The following SLC26A3 variants were observed in gnomAD, a reference collection of about 807,000 sequenced individuals.
SLC26A3 encodes solute carrier family 26 member 3.
A neutral mutation model predicts 85.6 loss-of-function variants in SLC26A3; 64 were observed. That is an observed-to-expected ratio of 0.75 (90% confidence interval 0.61 to 0.92). SLC26A3 has a LOEUF of 0.92. SLC26A3 is among the 40% of genes least tolerant of loss of function. SLC26A3 has a pLI of 0.00. For missense variants in SLC26A3, 922 were observed against 927.3 expected (o/e 0.99, Z 0.07); for synonymous variants, 349 against 336.0 (o/e 1.04, Z -0.42).
At chr7:107,794,618 CT>C (rs1794465212) in intron 1 of SLC26A3, 21 bp from the exon 2 acceptor site, 16 of 1,171,602 alleles carry the variant, frequency 1.4e-5, no homozygotes, top group Non-Finnish European at 1.5e-5. Flanking sequence ...ACAGAGCTTG[CT>C]TCTTAAATAA....
chr7:107,793,331 G>A (rs914935836), intron 3 of SLC26A3, among the ~76,000 whole-genome samples: 1 of 152,086 alleles, frequency 6.6e-6, no homozygotes, highest in Non-Finnish European at 1.5e-5. Flanking sequence ...CCCCCAAGTG[G>A]AAACAACTCA....
intron 15 of SLC26A3, chr7:107,776,233 A>G (rs1794112682): frequency 3.4e-6 from 2 of 583,488 alleles, no homozygotes; most frequent in Non-Finnish European, 6.1e-6. Flanking sequence ...GGATTCTTCT[A>G]TATTAGATGT....
rs1480673470 is a variant in SLC26A3 at position 107,787,497 on chromosome 7, C to A, written c.748G>T (p.Val250Leu). The change falls in exon 7 of 21, where the codon GTA (valine) becomes TTA (leucine). Residue 250 changes from valine to leucine, a missense_variant. Coordinates refer to ENST00000340010, the MANE Select transcript of SLC26A3 (RefSeq NM_000111.3). Reference protein sequence around the residue: ...PVSIFKVLYSVFSQIEKTNIA... With the variant: ...PVSIFKVLYSLFSQIEKTNIA... Reference sequence around the variant, plus strand: ...TTAGTCTTCTCTATTTGTGAGAATACAGAGTATAGTACCTACAATTATAAA... The same window carrying A: ...TTAGTCTTCTCTATTTGTGAGAATAAAGAGTATAGTACCTACAATTATAAA... 6.2e-7 allele frequency: 1 copy of A among 1,613,194 alleles called. No homozygotes were observed. Among genetic ancestry groups the A allele is most frequent in the African/African-American group, 1.3e-5 (1 of 74,904 alleles).
At chr7:107,784,378 A>G (rs1354426682) in intron 8 of SLC26A3, among the ~76,000 whole-genome samples, 1 of 152,154 alleles carries the variant, frequency 6.6e-6, no homozygotes, top group Non-Finnish European at 1.5e-5. Flanking sequence ...ACTTGGGTTC[A>G]TTTCCTGGCT....
Position 107,794,446 on chromosome 7 carries a change from C to G in SLC26A3, c.64G>C (p.Glu22Gln), listed in dbSNP as rs773069003. Residue 22 changes from glutamate (E) to glutamine (Q), a missense_variant, in exon 2 of 21, where the codon GAG becomes CAG. Glu to Gln is a conservative substitution (Grantham distance 29). Coordinates refer to ENST00000340010, the MANE Select transcript of SLC26A3 (RefSeq NM_000111.3). ...ARPVYSTNAF[E>Q]ENHKKTGRHH... Reference sequence around the variant, plus strand: ...CTTCCTGTCTTTTTATGATTTTCCTCAAAAGCATTTGTAGAATACACTGGC... The same window carrying G: ...CTTCCTGTCTTTTTATGATTTTCCTGAAAAGCATTTGTAGAATACACTGGC... 1 of 1,613,892 alleles carries G rather than the reference C, an allele frequency of 6.2e-7. No individual in the cohort carries two copies. The highest frequency in any genetic ancestry group is 8.5e-7 in the Non-Finnish European group (1 of 1,179,824).
intron 18 of SLC26A3, among the ~76,000 whole-genome samples, chr7:107,769,864 A>C (rs1157497882): frequency 6.6e-6 from 1 of 152,030 alleles, no homozygotes; most frequent in African/African-American, 2.4e-5. Flanking sequence ...TCTCCCTAAA[A>C]AGCTCCCCCT....
Position 107,783,344 on chromosome 7 carries a change from G to A in SLC26A3, c.980C>T (p.Pro327Leu), listed in dbSNP as rs2115845469. The change falls in exon 9 of 21, where the codon CCC becomes CTC. Residue 327 changes from proline (P) to leucine (L), a missense_variant. Physicochemically the swap from Pro to Leu is moderately conservative, Grantham distance 98. Transcript: ENST00000340010. ...VVGDMNPGFQPPITPDVETFQ... is the reference protein window; with the variant it reads ...VVGDMNPGFQLPITPDVETFQ... ...AGTCTCCACGTCAGGTGTAATAGGG[G>A]GCTGAAATCTAAAATTGAAATTAAG... 3 of 1,614,110 alleles carry A rather than the reference G, an allele frequency of 1.9e-6. No homozygotes were observed. The highest frequency in any genetic ancestry group is 4.5e-5 in the East Asian group (2 of 44,892).
Position 107,783,185 on chromosome 7 carries a change from A to T in SLC26A3, c.1119+20T>A, listed in dbSNP as rs377165259. The T allele has an allele frequency of 6.2e-7, 1 of 1,614,040 alleles. No individual in the cohort carries two copies. Among genetic ancestry groups the T allele is most frequent in the Admixed American group, 1.7e-5 (1 of 59,994 alleles). On this transcript the variant is annotated intron_variant, in intron 9 of 20. Coordinates refer to ENST00000340010, the MANE Select transcript of SLC26A3 (RefSeq NM_000111.3). ...TATTTAAAGTTGCCCAGTGAGACCCAGTGTAGTTTGTTTACTTACCTGATT... is the reference window on the plus strand; with the variant it reads ...TATTTAAAGTTGCCCAGTGAGACCCTGTGTAGTTTGTTTACTTACCTGATT...
chr7:107,780,613 A>C (rs1219662033), intron 11 of SLC26A3, among the ~76,000 whole-genome samples: 1 of 152,230 alleles, frequency 6.6e-6, no homozygotes, highest in Non-Finnish European at 1.5e-5. Flanking sequence ...CACAGTGTAC[A>C]AAGAAAAGCC....
chr7:107,780,545 G>A (rs1012491093), intron 11 of SLC26A3, among the ~76,000 whole-genome samples: 20 of 152,196 alleles, frequency 1.3e-4, no homozygotes, highest in African/African-American at 4.6e-4. Context: ...TGTTCCCCCT[G>A]CCAATTTATT....
At position 107,789,549 on chromosome 7, in the gene SLC26A3, T is replaced by C; in HGVS notation, c.710A>G (p.His237Arg). The change falls in exon 6 of 21, where the codon CAC becomes CGC. Residue 237 changes from histidine to arginine, a missense_variant. Physicochemically the swap from His to Arg is conservative, Grantham distance 29. Coordinates refer to ENST00000340010, the MANE Select transcript of SLC26A3 (RefSeq NM_000111.3). The part of the protein sequence containing the change: ...KFIFQLTVPS[H>R]TDPVSIFKVL... ...TTTGAAAATTGAAACTGGATCAGTG[T>C]GTGACGGGACTGTCAACTGAAAAAT... 1 of 1,614,170 alleles carries C rather than the reference T, an allele frequency of 6.2e-7. No homozygotes were observed. The highest frequency in any genetic ancestry group is 2.2e-5 in the East Asian group (1 of 44,880).
chr7:107,771,924 G>T (rs368735771), intron 18 of SLC26A3, 130 bp downstream of exon 18: 10 of 721,332 alleles, frequency 1.4e-5, no homozygotes, highest in South Asian at 1.1e-4. Context: ...TTTTTATTGG[G>T]CTGGCTGCAT....
In SLC26A3 at chr7:107,783,332, G is replaced by A; in HGVS notation, c.992C>T (p.Pro331Leu). The A allele has an allele frequency of 6.2e-7, 1 of 1,614,182 alleles. No homozygotes were observed. The highest frequency in any genetic ancestry group is 1.1e-5 in the South Asian group (1 of 91,090). ...GGTGTTTTGGAAAGTCTCCACGTCA[G>A]GTGTAATAGGGGGCTGAAATCTAAA... ...MNPGFQPPIT[P>L]DVETFQNTVG... Residue 331 changes from proline (P) to leucine (L), a missense_variant, in exon 9 of 21, where the codon CCT becomes CTT. Pro to Leu is a moderately conservative substitution (Grantham distance 98). Coordinates refer to ENST00000340010, the MANE Select transcript of SLC26A3 (RefSeq NM_000111.3).
At chr7:107,794,196 A>G (rs1476581491) in intron 2 of SLC26A3, among the ~76,000 whole-genome samples, 183 bp downstream of exon 2, 1 of 152,134 alleles carries the variant, frequency 6.6e-6, no homozygotes, top group Non-Finnish European at 1.5e-5. Flanking sequence ...ATAAGCCGAG[A>G]TGGGGTTCAT....
intron 1 of SLC26A3, among the ~76,000 whole-genome samples, chr7:107,798,019 T>C (rs1794540148): frequency 6.6e-6 from 1 of 152,154 alleles, no homozygotes. Flanking sequence ...GATTTGGGGA[T>C]TGAAATTCAT....
rs1306897023 is a variant in SLC26A3 at position 107,791,069 on chromosome 7, T to C, written c.549A>G (p.Thr183=). 3 of 1,614,046 alleles carry C rather than the reference T, an allele frequency of 1.9e-6. No individual in the cohort carries two copies. Among genetic ancestry groups the C allele is most frequent in the Admixed American group, 3.3e-5 (2 of 60,022 alleles). ...TCACCTGGATGATTCCAGAAAGCACTGTGACTGATGCCGCCGCCGCCACCC... is the reference window on the plus strand; with the variant it reads ...TCACCTGGATGATTCCAGAAAGCACCGTGACTGATGCCGCCGCCGCCACCC... ...RVRVAAAASV[T]VLSGIIQLAF... Residue 183 remains threonine, a synonymous_variant, in exon 5 of 21, where the codon ACA becomes ACG. Transcript: ENST00000340010.
rs781608379 is a variant in SLC26A3 at position 107,767,899 on chromosome 7, A to C, written c.2072T>G (p.Ile691Ser). 4 of 1,613,572 alleles carry C rather than the reference A, an allele frequency of 2.5e-6. No individual in the cohort carries two copies. The highest frequency in any genetic ancestry group is 3.3e-5 in the Admixed American group (2 of 59,940). Residue 691 changes from isoleucine (I) to serine (S), a missense_variant, in exon 19 of 21, where the codon ATT becomes AGT. Transcript: ENST00000340010. ...AAATTCATACCGGTTAAGCTTCTCA[A>C]TGAAGTCATCTGAAGAGAAAAAAAC... Reference protein sequence around the residue: ...VYIVGTDDDFIEKLNRYEFFD... With the variant: ...VYIVGTDDDFSEKLNRYEFFD...
At chr7:107,778,563 A>T (rs1794166760) in intron 12 of SLC26A3, among the ~76,000 whole-genome samples, 1 of 152,094 alleles carries the variant, frequency 6.6e-6, no homozygotes, top group African/African-American at 2.4e-5. Flanking sequence ...GGATTCAAAG[A>T]AAGTGTATTT....
chr7:107,765,858 G>T lies in SLC26A3; in HGVS notation c.2292C>A (p.Phe764Leu). 6.2e-7 allele frequency: 1 copy of T among 1,610,108 alleles called. No homozygotes were observed. The highest frequency in any genetic ancestry group is 8.5e-7 in the Non-Finnish European group (1 of 1,176,746). ...RVYEVPVETK[F>L] is the part of the protein sequence containing the mutation. ...ATCCTTCTGAATTATATGTTGATTA[G>T]AATTTTGTTTCAACTGGCACCTGGA... The change falls in exon 21 of 21, where the codon TTC becomes TTA. Residue 764 changes from phenylalanine to leucine, a missense_variant. Coordinates refer to ENST00000340010, the MANE Select transcript of SLC26A3 (RefSeq NM_000111.3).
Sources: gnomAD v4.1 joint callset for allele counts (sites outside exome capture counted in the v4.1 genomes callset) on GRCh38, gnomAD v4.1.1 for gene constraint, MANE v1.5 for transcripts, NCBI Gene and HGNC (gene_info 2026-07-23, HGNC 2026-07-21) for gene names.